PAK1: variants seen among roughly 807,000 people sequenced by gnomAD.
PAK1 encodes the protein p21 (RAC1) activated kinase 1, also known as serine/threonine-protein kinase PAK 1.
In PAK1, 29 loss-of-function variants were observed where a neutral mutation model predicts 67.4. The observed-to-expected ratio is 0.43, with a 90% CI of 0.32 to 0.59. The LOEUF (loss-of-function observed/expected upper bound fraction) is 0.59. Among genes scored for constraint, PAK1 ranks in the 20% least tolerant of loss-of-function variants. The pLI is 0.07. For missense variants in PAK1, 337 were observed against 670.7 expected, an observed-to-expected ratio of 0.50 and a Z score of 5.50; for synonymous variants, 223 against 237.4, an observed-to-expected ratio of 0.94 and a Z score of 0.56.
intron 14 of PAK1, among the ~76,000 whole-genome samples, chr11:77,328,685 A>G (rs202030753): frequency 6.6e-6 from 1 of 152,224 alleles, no homozygotes; most frequent in Non-Finnish European, 1.5e-5. Flanking sequence ...AAAGCAGGAA[A>G]GATCTAAAAT....
rs780547940 is a variant in PAK1, at chr11:77,355,633, A to T, written c.772+35T>A. On this transcript the variant is annotated intron_variant, in intron 7 of 14. Transcript: ENST00000356341. ...ATCTCTGTGCTTGACCAGTCATAAA[A>T]CGAAGAAAGGTTCAGAAAGCTACAA... 3 of 1,574,050 alleles carry T rather than the reference A, an allele frequency of 1.9e-6. No homozygotes were observed. The Admixed American group carries it at 5.0e-5, about 26-fold the overall frequency.
intron 1 of PAK1, among the ~76,000 whole-genome samples, chr11:77,443,759 A>G (rs1956468939): frequency 6.6e-6 from 1 of 152,212 alleles, no homozygotes; most frequent in African/African-American, 2.4e-5. Context: ...GCATTCAGGT[A>G]CAACTTAATA....
chr11:77,513,751 C>T, the PAK1 span, among the ~76,000 whole-genome samples: 2,094 of 149,200 alleles, frequency 0.014, 43 homozygotes, highest in African/African-American at 0.049. Context: ...AAGCAATAGG[C>T]TACCCAGATC....
chr11:77,376,767 A>G (rs1242836301), intron 4 of PAK1, among the ~76,000 whole-genome samples: 1 of 152,026 alleles, frequency 6.6e-6, no homozygotes, highest in Non-Finnish European at 1.5e-5. Context: ...TAAGTGTTGA[A>G]AAAATAGAAA....
intron 1 of PAK1, among the ~76,000 whole-genome samples, chr11:77,412,896 A>C (rs530634505): frequency 1.4e-3 from 215 of 152,356 alleles, no homozygotes; most frequent in Non-Finnish European, 2.6e-3. Flanking sequence ...ACTATTGTGC[A>C]TCAGGCATTG....
In PAK1 at chr11:77,388,804, AC is replaced by A. The variant is rs1375055700; in HGVS notation, c.190+3526del. Among the ~76,000 whole-genome samples, 3 of 152,042 alleles carry A rather than the reference AC, an allele frequency of 2.0e-5. No homozygotes were observed. The East Asian group carries it at 5.8e-4, about 29-fold the overall frequency. On this transcript the variant is annotated intron_variant, in intron 2 of 14. Transcript: ENST00000356341. ...CCAATACTATAATCCCAATATCTAGACCCCCACTTTCCCATTTAGCACATAA... is the reference window on the plus strand; with the variant it reads ...CCAATACTATAATCCCAATATCTAGACCCCACTTTCCCATTTAGCACATAA...
chr11:77,393,726 A>T (rs1247437391), intron 1 of PAK1, among the ~76,000 whole-genome samples: 2 of 152,196 alleles, frequency 1.3e-5, no homozygotes, highest in Non-Finnish European at 2.9e-5. Flanking sequence ...GGATAGGACA[A>T]GCGCGGTGGC....
At chr11:77,497,224 T>TGAGCCTGAGTTGACCA in the PAK1 span, among the ~76,000 whole-genome samples, 1 of 152,362 alleles carries the variant, frequency 6.6e-6, no homozygotes, top group Admixed American at 6.5e-5. Flanking sequence ...GTCTGTGGGA[T>TGAGCCTGAGTTGACCA]GGCTATGGTG....
chr11:77,349,475 T>TA, intron 8 of PAK1, 188 bp from the exon 9 acceptor site: 1 of 590,496 alleles, frequency 1.7e-6, no homozygotes, highest in Non-Finnish European at 3.1e-6. Flanking sequence ...ATGTAGGCTC[T>TA]AGTGGCCAGG....
chr11:77,458,057 T>G (rs3015985), intron 1 of PAK1, among the ~76,000 whole-genome samples: 36,781 of 152,092 alleles, frequency 0.24, 5,062 homozygotes, highest in Non-Finnish European at 0.31. Context: ...CTAAATCTAA[T>G]GGAGGAATAA....
At chr11:77,349,465 A>C in intron 8 of PAK1, 178 bp from the exon 9 acceptor site, 1 of 610,790 alleles carries the variant, frequency 1.6e-6, no homozygotes, top group East Asian at 2.8e-5. Flanking sequence ...AGTACAGAGA[A>C]TGTAGGCTCT....
intron 1 of PAK1, among the ~76,000 whole-genome samples, chr11:77,435,151 C>T (rs499880): frequency 0.69 from 103,395 of 148,918 alleles, 36,719 homozygotes; most frequent in African/African-American, 0.84. Flanking sequence ...AAAACCCCAC[C>T]GGAAACAAGA....
intron 1 of PAK1, among the ~76,000 whole-genome samples, chr11:77,430,735 A>G (rs1472336824): frequency 1.3e-5 from 2 of 152,244 alleles, no homozygotes; most frequent in East Asian, 3.8e-4. Context: ...CCTCTGTTAA[A>G]TGGGGACAAA....
chr11:77,521,285 T>C, the PAK1 span, among the ~76,000 whole-genome samples: 3 of 151,902 alleles, frequency 2.0e-5, no homozygotes, highest in Non-Finnish European at 2.9e-5. Flanking sequence ...ATCCCAGCAC[T>C]TTGGGAAGCC....
At chr11:77,500,136 C>T in the PAK1 span, among the ~76,000 whole-genome samples, 1 of 152,168 alleles carries the variant, frequency 6.6e-6, no homozygotes. Flanking sequence ...GATGAATATA[C>T]ATAACTCAGA....
the PAK1 span, among the ~76,000 whole-genome samples, chr11:77,506,839 T>C: frequency 2.0e-5 from 3 of 152,144 alleles, no homozygotes; most frequent in South Asian, 6.2e-4. Context: ...GGGGGGTACA[T>C]GGGAGGAGCA....
chr11:77,484,688 T>C, the PAK1 span, among the ~76,000 whole-genome samples: 1 of 152,164 alleles, frequency 6.6e-6, no homozygotes, highest in Non-Finnish European at 1.5e-5. Context: ...ACTAACTTTG[T>C]GGGTGTCAAG....
At chr11:77,423,768 G>A (rs1352474602) in intron 1 of PAK1, among the ~76,000 whole-genome samples, 1 of 152,114 alleles carries the variant, frequency 6.6e-6, no homozygotes, top group Non-Finnish European at 1.5e-5. Context: ...TGCCTTTGTA[G>A]CACAAAAGCA....
rs545946279 is a variant in PAK1 at position 77,322,717 on chromosome 11, C to T, written c.*557G>A. 3 of 274,926 alleles carry T rather than the reference C, an allele frequency of 1.1e-5. No individual in the cohort carries two copies. In the East Asian group the frequency reaches 1.7e-4, roughly 16 times the overall value. The allele number at this position is 274,926 out of a possible 1,614,324, so 17.0% of individuals were successfully genotyped here. A position where few individuals can be genotyped will look rare whatever the true frequency, so the allele number is the denominator to read the frequency against. ...ACACAAAGAAAAATGTGGTTGTTCT[C>T]CCATGTCAGGATCAGCTGAGCCAAA... On this transcript the variant is annotated 3_prime_UTR_variant, in exon 15 of 15. Transcript: ENST00000356341.
Sources: gnomAD v4.1 joint callset for allele counts (sites outside exome capture counted in the v4.1 genomes callset) on GRCh38, gnomAD v4.1.1 for gene constraint, MANE v1.5 for transcripts, NCBI Gene and HGNC (gene_info 2026-07-23, HGNC 2026-07-21) for gene names.